Variants in WDFY4 observed in about 807,000 individuals in gnomAD.
The protein encoded by WDFY4 is WDFY family member 4, also known as WD repeat- and FYVE domain-containing protein 4.
WDFY4 carries 169 observed loss-of-function variants against 351.9 expected under a neutral mutation model. The observed-to-expected ratio is 0.48, with a 90% CI of 0.42 to 0.55. The LOEUF (loss-of-function observed/expected upper bound fraction) is 0.55. WDFY4 is among the 20% of genes least tolerant of loss of function. WDFY4 has a pLI of 0.00. For missense variants in WDFY4, 3,803 were observed against 3,935.6 expected (o/e 0.97, Z 0.90); for synonymous variants, 1,622 against 1,574.6 (o/e 1.03, Z -0.71).
chr10:48,800,700 TTCTTTCTTTC>T (rs1276225859), intron 24 of WDFY4, among the ~76,000 whole-genome samples: 1 of 139,342 alleles, frequency 7.2e-6, no homozygotes, highest in African/African-American at 2.8e-5. Flanking sequence ...CTTTCTTTCT[TTCTTTCTTTC>T]TTTCTTTCTT....
chr10:48,882,802 C>T (rs1411419164), intron 43 of WDFY4, among the ~76,000 whole-genome samples: 1 of 152,204 alleles, frequency 6.6e-6, no homozygotes, highest in Admixed American at 6.5e-5. Flanking sequence ...CTGCCCCCAT[C>T]ATTCAAACAG....
Position 48,910,166 on chromosome 10 carries a change from T to C in WDFY4, c.7586+8303T>C, listed in dbSNP as rs187157512. 3.9e-5 allele frequency: 54 copies of C among 1,385,112 alleles called. No homozygotes were observed. The Admixed American group carries it at 9.1e-4, about 23-fold the overall frequency. 85.8% of individuals were successfully genotyped at this position (1,385,112 alleles called of 1,614,324 possible). A position where few individuals can be genotyped will look rare whatever the true frequency, so the allele number is the denominator to read the frequency against. On this transcript the variant is annotated intron_variant, in intron 47 of 61. Coordinates refer to ENST00000325239, the MANE Select transcript of WDFY4 (RefSeq NM_001394531.1). The stretch of plus-strand genomic sequence containing the variant: ...ACTTGCCACTCTGTCTTCTCCTAAC[T>C]GGGGGCTTCTCCTCTTCAGAGTCGT...
At chr10:48,962,595 GCCA>G (rs944832731) in intron 53 of WDFY4, among the ~76,000 whole-genome samples, 2 of 152,190 alleles carry the variant, frequency 1.3e-5, no homozygotes, top group Non-Finnish European at 2.9e-5. Context: ...CTGAGCCAGT[GCCA>G]CCCATCTGGG....
chr10:48,723,612 T>A, intron 5 of WDFY4, 45 bp downstream of exon 5: 1 of 1,549,282 alleles, frequency 6.5e-7, no homozygotes, highest in East Asian at 2.4e-5. Context: ...AAAACCTCAC[T>A]TCGGGGACAG....
chr10:48,921,508 A>G (rs571385180), intron 47 of WDFY4, among the ~76,000 whole-genome samples: 3 of 152,248 alleles, frequency 2.0e-5, no homozygotes, highest in Non-Finnish European at 4.4e-5. Context: ...AACTTTGAAA[A>G]GAAAATGAAG....
In WDFY4 at chr10:48,787,890, TCTC is replaced by T. The variant is rs1405123408; in HGVS notation, c.3809-637_3809-635del. The stretch of plus-strand genomic sequence containing the variant: ...TTCTTTCTTCTTTCTTTCTTCTTCT[TCTC>T]CTTCTTCTTCTTCTTCTTCTTCTTC... On this transcript the variant is annotated intron_variant, in intron 20 of 61. Coordinates refer to ENST00000325239, the MANE Select transcript of WDFY4 (RefSeq NM_001394531.1). Among the ~76,000 whole-genome samples the T allele has an allele frequency of 2.3e-3, 169 of 72,706 alleles. 24 individuals carry two copies. The highest frequency in any genetic ancestry group is 0.014 in the Middle Eastern group (2 of 140). 47.7% of individuals were successfully genotyped at this position (72,706 alleles called of 152,430 possible).
At chr10:48,788,898 C>T (rs926472379) in intron 21 of WDFY4, among the ~76,000 whole-genome samples, 1 of 152,200 alleles carries the variant, frequency 6.6e-6, no homozygotes, top group South Asian at 2.1e-4. Context: ...GAAGAAAAAT[C>T]ATAAATAAAA....
Position 48,867,247 on chromosome 10 carries a change from G to T in WDFY4, c.6664-18G>T, listed in dbSNP as rs2069581324. The T allele has an allele frequency of 2.3e-6, 3 of 1,313,824 alleles. No individual in the cohort carries two copies. The highest frequency in any genetic ancestry group is 6.7e-5 in the Admixed American group (2 of 29,674). 81.4% of individuals were successfully genotyped at this position (1,313,824 alleles called of 1,614,324 possible). On this transcript the variant is annotated intron_variant, in intron 39 of 61. Transcript: ENST00000325239. Reference sequence around the variant, plus strand: ...CACAACTATCATTAAGCTGTGACTTGTTTTCTCCTTTCTCCAGGATTTTGT... The same window carrying T: ...CACAACTATCATTAAGCTGTGACTTTTTTTCTCCTTTCTCCAGGATTTTGT...
intron 23 of WDFY4, among the ~76,000 whole-genome samples, chr10:48,795,954 A>G (rs554262110): frequency 5.3e-4 from 81 of 152,258 alleles, no homozygotes; most frequent in African/African-American, 1.5e-3. Context: ...GGCAGGTGGT[A>G]GCTTCCCATA....
chr10:48,943,345 A>T lies in WDFY4; in HGVS notation c.7645A>T (p.Asn2549Tyr). 6.4e-7 allele frequency: 1 copy of T among 1,551,624 alleles called. No homozygotes were observed. The highest frequency in any genetic ancestry group is 8.7e-7 in the Non-Finnish European group (1 of 1,146,940). The change falls in exon 49 of 62, where the codon AAT becomes TAT. Residue 2549 changes from asparagine to tyrosine, a missense_variant. Physicochemically the swap from Asn to Tyr is moderately radical, Grantham distance 143. This residue lies in a region of WDFY4 where 3,054 missense variants were observed against 3,148.6 expected (regional missense o/e 0.97). Coordinates refer to ENST00000325239, the MANE Select transcript of WDFY4 (RefSeq NM_001394531.1). ...CTTCTGGTAGAAAAGGGACATCAGC[A>T]ATTTTGAGTATCTCATGTACCTCAA... The part of the protein sequence containing the change: ...LQKWQKRDIS[N>Y]FEYLMYLNTA...
In WDFY4 at chr10:48,877,165, A is replaced by G. The variant is rs1045316000; in HGVS notation, c.7133A>G (p.Gln2378Arg). 1.1e-5 allele frequency: 17 copies of G among 1,551,630 alleles called. No individual in the cohort carries two copies. Among genetic ancestry groups the G allele is most frequent in the Non-Finnish European group, 1.4e-5 (16 of 1,146,934 alleles). Residue 2378 changes from glutamine to arginine, a missense_variant, in exon 43 of 62, where the codon CAA (glutamine) becomes CGA (arginine). Coordinates refer to ENST00000325239, the MANE Select transcript of WDFY4 (RefSeq NM_001394531.1). Reference sequence around the variant, plus strand: ...TTCTTGGAACTGTGTCGGGAAAGACAAGTTATTTTACAAGAGCTTCTTGAT... The same window carrying G: ...TTCTTGGAACTGTGTCGGGAAAGACGAGTTATTTTACAAGAGCTTCTTGAT... ...EDFLELCRER[Q>R]VILQELLDKE... is the part of the protein sequence containing the mutation.
rs1394495825 is a variant in WDFY4 at position 48,946,094 on chromosome 10, G to T, written c.7804G>T (p.Ala2602Ser). The T allele has an allele frequency of 6.5e-7, 1 of 1,549,294 alleles. No homozygotes were observed. Among genetic ancestry groups the T allele is most frequent in the African/African-American group, 1.4e-5 (1 of 72,952 alleles). Residue 2602 changes from alanine (A) to serine (S), a missense_variant, in exon 50 of 62, where the codon GCT becomes TCT. Physicochemically the swap from Ala to Ser is moderately conservative, Grantham distance 99. This residue lies in a region of WDFY4 where 3,054 missense variants were observed against 3,148.6 expected (regional missense o/e 0.97). Coordinates refer to ENST00000325239, the MANE Select transcript of WDFY4 (RefSeq NM_001394531.1). ...IFRDLSKPMG[A>S]QTKERKLKFI... Reference sequence around the variant, plus strand: ...CCGGGATCTTTCAAAGCCCATGGGGGCTCAGACCAAGGAAAGGAAGCTGAA... The same window carrying T: ...CCGGGATCTTTCAAAGCCCATGGGGTCTCAGACCAAGGAAAGGAAGCTGAA...
chr10:48,758,940 A>G (rs2065415201), intron 12 of WDFY4, among the ~76,000 whole-genome samples: 1 of 152,152 alleles, frequency 6.6e-6, no homozygotes, highest in African/African-American at 2.4e-5. Context: ...TCCCTGGTTC[A>G]TTCTATGTTG....
chr10:48,815,190 A>T (rs1307995996), intron 31 of WDFY4, among the ~76,000 whole-genome samples: 2 of 151,864 alleles, frequency 1.3e-5, no homozygotes, highest in African/African-American at 4.8e-5. Context: ...CAAATATCTA[A>T]CTCCTTATCT....
chr10:48,902,832 G>C (rs1273449795), intron 47 of WDFY4, among the ~76,000 whole-genome samples: 2 of 152,044 alleles, frequency 1.3e-5, no homozygotes, highest in African/African-American at 4.8e-5. Flanking sequence ...ATACTTGGCC[G>C]GGCGTGGTGG....
chr10:48,808,039 T>G, intron 28 of WDFY4, 81 bp downstream of exon 28: 1 of 1,186,502 alleles, frequency 8.4e-7, no homozygotes, highest in Non-Finnish European at 1.1e-6. Context: ...TAATGAAAAG[T>G]TTAGCATCTC....
chr10:48,803,656 G>C (rs1174169531), intron 25 of WDFY4, among the ~76,000 whole-genome samples: 2 of 152,156 alleles, frequency 1.3e-5, no homozygotes, highest in Non-Finnish European at 2.9e-5. Flanking sequence ...CTTCTCCAAG[G>C]CACTTTTGGA....
Position 48,778,845 on chromosome 10 carries a change from G to A in WDFY4, c.3397+13G>A. 6.5e-7 allele frequency: 1 copy of A among 1,547,772 alleles called. No individual in the cohort carries two copies. The highest frequency in any genetic ancestry group is 1.7e-4 in the Middle Eastern group (1 of 5,952). ...TTTCAGCCTCTGGGTAAGGTGCTGG[G>A]ATCCAAAGCCAGTTTCATCCACATG... On this transcript the variant is annotated intron_variant, in intron 18 of 61. Transcript: ENST00000325239.
chr10:48,690,807 G>T (rs1440452256), intron 1 of WDFY4, among the ~76,000 whole-genome samples: 1 of 152,156 alleles, frequency 6.6e-6, no homozygotes, highest in African/African-American at 2.4e-5. Flanking sequence ...GGGTTTTTAT[G>T]GACCTCAGAG....
Sources: allele counts gnomAD v4.1 joint callset (sites outside exome capture counted in the v4.1 genomes callset), GRCh38; gene constraint gnomAD v4.1.1; regional missense constraint gnomAD v4.1.1; transcripts MANE v1.5; gene names NCBI Gene and HGNC (gene_info 2026-07-23, HGNC 2026-07-21).